The following MIPOL1 variants were observed in gnomAD, a reference collection of about 807,000 sequenced individuals.
MIPOL1 encodes the protein mirror-image polydactyly gene 1 protein.
A neutral mutation model predicts 60.9 loss-of-function variants in MIPOL1; 57 were observed. The ratio of observed to expected loss-of-function variants is 0.94; its 90% confidence interval spans 0.76 to 1.17. The LOEUF is 1.17. MIPOL1 is among the 50% of genes most tolerant of loss of function. The pLI, the probability that MIPOL1 is intolerant of heterozygous loss-of-function variation, is 0.00. For synonymous variants in MIPOL1, 179 were observed against 168.8 expected, an observed-to-expected ratio of 1.06 and a Z score of -0.47; for missense variants, 551 against 511.6, an observed-to-expected ratio of 1.08 and a Z score of -0.74.
chr14:37,368,161 A>G (rs2092535591), intron 9 of MIPOL1, among the ~76,000 whole-genome samples: 5 of 152,118 alleles, frequency 3.3e-5, no homozygotes, highest in Admixed American at 3.3e-4. Flanking sequence ...TATCTGCTAA[A>G]TTAAATTAAT....
intron 6 of MIPOL1, among the ~76,000 whole-genome samples, chr14:37,282,044 G>C (rs1231704939): frequency 1.3e-5 from 2 of 151,490 alleles, no homozygotes; most frequent in African/African-American, 4.9e-5. Flanking sequence ...TACATCTTTG[G>C]ATTTGAAGTA....
chr14:37,513,517 C>T (rs1391029705), intron 12 of MIPOL1, among the ~76,000 whole-genome samples: 2 of 152,024 alleles, frequency 1.3e-5, no homozygotes, highest in African/African-American at 4.8e-5. Context: ...TGGCTAACTC[C>T]TTTGTGCCAG....
Position 37,247,858 on chromosome 14 carries a change from A to G in MIPOL1, c.-31A>G, listed in dbSNP as rs376007940. 1.1e-5 allele frequency: 18 copies of G among 1,612,440 alleles called. No individual in the cohort carries two copies. The highest frequency in any genetic ancestry group is 1.7e-5 in the Admixed American group (1 of 59,866). ...AAATCTTGGAGCAAAAACCAGAGAC[A>G]TTGCCAGAGCAAACAAGAACAGAAA... On this transcript the variant is annotated 5_prime_UTR_variant, in exon 3 of 13. Transcript: ENST00000684589.
chr14:37,435,375 A>T (rs567278412), intron 11 of MIPOL1, among the ~76,000 whole-genome samples: 1 of 152,080 alleles, frequency 6.6e-6, no homozygotes, highest in Admixed American at 6.6e-5. Context: ...TCCTGCTTCA[A>T]TGTCACAAGA....
intron 1 of MIPOL1, among the ~76,000 whole-genome samples, chr14:37,228,811 G>T (rs1223741371): frequency 1.3e-5 from 2 of 152,108 alleles, no homozygotes; most frequent in Non-Finnish European, 2.9e-5. Context: ...ACAATTTGTG[G>T]CCAGGCACAG....
chr14:37,362,161 G>A (rs1044527317), intron 9 of MIPOL1, among the ~76,000 whole-genome samples: 1 of 152,130 alleles, frequency 6.6e-6, no homozygotes, highest in African/African-American at 2.4e-5. Context: ...TATGATGTTA[G>A]CTGGTTAATT....
chr14:37,428,373 T>A (rs187571970), intron 11 of MIPOL1, among the ~76,000 whole-genome samples: 38 of 152,256 alleles, frequency 2.5e-4, no homozygotes, highest in Non-Finnish European at 5.0e-4. Context: ...GGCGGATCAC[T>A]TGAGTCCAGG....
chr14:37,545,871 C>A, intron 12 of MIPOL1: 1 of 380,478 alleles, frequency 2.6e-6, no homozygotes, highest in Non-Finnish European at 4.7e-6. Flanking sequence ...ATAAATGAGG[C>A]AAACTGTGAA....
intron 11 of MIPOL1, among the ~76,000 whole-genome samples, chr14:37,479,103 G>A (rs1249099566): frequency 6.6e-6 from 1 of 152,050 alleles, no homozygotes; most frequent in Non-Finnish European, 1.5e-5. Flanking sequence ...TTCCAGTGGG[G>A]TTGGAGAATA....
chr14:37,531,045 T>C (rs1251339250), intron 12 of MIPOL1, among the ~76,000 whole-genome samples: 1 of 152,120 alleles, frequency 6.6e-6, no homozygotes, highest in African/African-American at 2.4e-5. Context: ...CTCAAACTCC[T>C]GACCTCATGT....
At chr14:37,210,462 C>T (rs917098176) in intron 1 of MIPOL1, among the ~76,000 whole-genome samples, 4 of 152,150 alleles carry the variant, frequency 2.6e-5, no homozygotes, top group Non-Finnish European at 5.9e-5. Context: ...TTCCTGTTCA[C>T]TGCACAGTCA....
At chr14:37,451,569 T>TTTTTTTTTTTTGA (rs1566628576) in intron 11 of MIPOL1, among the ~76,000 whole-genome samples, 2 of 151,200 alleles carry the variant, frequency 1.3e-5, no homozygotes, top group African/African-American at 4.9e-5. Flanking sequence ...TGGTGATTCT[T>TTTTTTTTTTTTGA]GTACATGGAA....
At chr14:37,217,584 C>G (rs560234377) in intron 1 of MIPOL1, among the ~76,000 whole-genome samples, 1 of 152,280 alleles carries the variant, frequency 6.6e-6, no homozygotes, top group East Asian at 1.9e-4. Flanking sequence ...AGTGATGGCT[C>G]AACATACACA....
intron 11 of MIPOL1, among the ~76,000 whole-genome samples, chr14:37,426,337 G>T (rs2093958787): frequency 1.3e-5 from 2 of 151,486 alleles, no homozygotes; most frequent in African/African-American, 4.8e-5. Context: ...ACATGAGAGG[G>T]TGGGCAGATC....
chr14:37,240,167 A>G (rs1972123511), intron 1 of MIPOL1, among the ~76,000 whole-genome samples: 1 of 152,152 alleles, frequency 6.6e-6, no homozygotes. Context: ...TCTTCCGTAT[A>G]TGCCTCTGTT....
intron 11 of MIPOL1, among the ~76,000 whole-genome samples, chr14:37,427,888 G>A (rs1595730931): frequency 6.6e-6 from 1 of 151,986 alleles, no homozygotes; most frequent in African/African-American, 2.4e-5. Flanking sequence ...GAAATGAAAA[G>A]GTTCCATTTT....
chr14:37,392,036 G>A (rs965635297), intron 10 of MIPOL1, among the ~76,000 whole-genome samples: 3 of 151,926 alleles, frequency 2.0e-5, no homozygotes, highest in African/African-American at 7.3e-5. Flanking sequence ...TGGACTAAAT[G>A]TTCCAATTAC....
intron 11 of MIPOL1, among the ~76,000 whole-genome samples, chr14:37,425,317 G>A (rs767405115): frequency 5.3e-5 from 8 of 152,134 alleles, no homozygotes; most frequent in African/African-American, 9.7e-5. Flanking sequence ...CTGCTGAATT[G>A]TGGAAGATGA....
At chr14:37,345,787 C>T (rs1018510925) in intron 9 of MIPOL1, among the ~76,000 whole-genome samples, 7 of 152,064 alleles carry the variant, frequency 4.6e-5, no homozygotes, top group Non-Finnish European at 4.4e-5. Context: ...CATAAACACT[C>T]GTATTTTTTA....
Sources: gnomAD v4.1 joint callset for allele counts (sites outside exome capture counted in the v4.1 genomes callset) on GRCh38, gnomAD v4.1.1 for gene constraint, MANE v1.5 for transcripts, NCBI Gene and HGNC (gene_info 2026-07-23, HGNC 2026-07-21) for gene names.